The following PCLO variants were observed in gnomAD, a reference collection of about 807,000 sequenced individuals.
PCLO encodes the protein protein piccolo.
In PCLO, 82 loss-of-function variants were observed where a neutral mutation model predicts 427.5. That is an observed-to-expected ratio of 0.19 (90% CI 0.16 to 0.23). PCLO has a LOEUF of 0.23. Among genes scored for constraint, PCLO ranks in the 10% least tolerant of loss-of-function variants. The pLI is 1.00. For synonymous variants in PCLO, 2,357 were observed against 2,155.4 expected, an observed-to-expected ratio of 1.09 and a Z score of -2.59; for missense variants, 6,239 against 6,115.9, an observed-to-expected ratio of 1.02 and a Z score of -0.67.
intron 10 of PCLO, among the ~76,000 whole-genome samples, chr7:82,862,977 C>T (rs1793000092): frequency 2.0e-5 from 3 of 151,884 alleles, no homozygotes; most frequent in African/African-American, 7.3e-5. Flanking sequence ...CTTAATTGTA[C>T]ATTTCAAAAT....
chr7:82,768,187 C>T (rs1790571518), intron 22 of PCLO, among the ~76,000 whole-genome samples: 1 of 152,122 alleles, frequency 6.6e-6, no homozygotes, highest in East Asian at 1.9e-4. Context: ...GTTTGGGAGG[C>T]ACAACTGGAT....
At chr7:83,026,434 G>A (rs1310327651) in intron 3 of PCLO, among the ~76,000 whole-genome samples, 2 of 152,118 alleles carry the variant, frequency 1.3e-5, no homozygotes, top group African/African-American at 4.8e-5. Flanking sequence ...ACCCAATACA[G>A]GAGGACCCAG....
chr7:82,923,741 T>C (rs1010012809), intron 6 of PCLO, among the ~76,000 whole-genome samples: 3 of 152,072 alleles, frequency 2.0e-5, no homozygotes, highest in African/African-American at 4.8e-5. Context: ...GCCAGCAACA[T>C]AGTTTTGGCC....
At chr7:82,986,848 G>A (rs7808548) in intron 3 of PCLO, among the ~76,000 whole-genome samples, 114,107 of 151,714 alleles carry the variant, frequency 0.75, 43,478 homozygotes, top group East Asian at 0.92. Context: ...GATGACCCAG[G>A]AATTTTATTA....
At chr7:82,852,561 T>C (rs1016983296) in intron 10 of PCLO, among the ~76,000 whole-genome samples, 7 of 152,136 alleles carry the variant, frequency 4.6e-5, no homozygotes, top group Non-Finnish European at 1.0e-4. Flanking sequence ...CCAGGGACTC[T>C]TGGGCCTTTG....
chr7:83,081,378 G>A (rs1472955526), intron 3 of PCLO, among the ~76,000 whole-genome samples: 1 of 151,772 alleles, frequency 6.6e-6, no homozygotes, highest in African/African-American at 2.4e-5. Context: ...CTTAATGAAT[G>A]AATCATTTTA....
rs1796316219 is a variant in PCLO at position 82,988,982 on chromosome 7, G to A, written c.3301-22495C>T. Among the ~76,000 whole-genome samples, 5 of 151,926 alleles carry A rather than the reference G, an allele frequency of 3.3e-5. No individual in the cohort carries two copies. In the South Asian group the frequency reaches 1.0e-3, roughly 31 times the overall value. On this transcript the variant is annotated intron_variant, in intron 3 of 24. Coordinates refer to ENST00000333891, the MANE Select transcript of PCLO (RefSeq NM_033026.6). ...CCTGAGTAGCTGGGATTACAGGCAT[G>A]CACCACCATGCCTGGCTATTTTTTT...
chr7:82,872,953 A>G (rs572881557), intron 10 of PCLO, among the ~76,000 whole-genome samples: 2 of 152,296 alleles, frequency 1.3e-5, no homozygotes, highest in African/African-American at 2.4e-5. Context: ...TTGTGGATAC[A>G]TACATAACAC....
chr7:82,949,876 G>C lies in PCLO; in HGVS notation c.10712C>G (p.Ala3571Gly), dbSNP rs1182627186. Residue 3571 changes from alanine (A) to glycine (G), a missense_variant, in exon 6 of 25, where the codon GCA becomes GGA. Physicochemically the swap from Ala to Gly is moderately conservative, Grantham distance 60. Coordinates refer to ENST00000333891, the MANE Select transcript of PCLO (RefSeq NM_033026.6). ...TTGAGGACTTTGTGTGTCTGAATCT[G>C]CTTCTGTTTGACATCCTAAACTGCC... is the stretch of plus-strand genomic sequence containing the variant. ...KGGSLGCQTE[A>G]DSDTQSPQYL... 6.2e-7 allele frequency: 1 copy of C among 1,613,736 alleles called. No individual in the cohort carries two copies. Among genetic ancestry groups the C allele is most frequent in the Non-Finnish European group, 8.5e-7 (1 of 1,179,834 alleles).
chr7:83,050,226 A>AAAAAAAC (rs1789205976), intron 3 of PCLO, among the ~76,000 whole-genome samples: 1 of 123,314 alleles, frequency 8.1e-6, no homozygotes, highest in Non-Finnish European at 1.7e-5. Context: ...AAAAAAAAAA[A>AAAAAAAC]AAAAAAAAAA....
intron 20 of PCLO, among the ~76,000 whole-genome samples, chr7:82,811,333 C>T (rs555011183): frequency 6.6e-6 from 1 of 151,420 alleles, no homozygotes; most frequent in Non-Finnish European, 1.5e-5. Flanking sequence ...TCCTCTCTTT[C>T]TTTGTTTCTT....
chr7:82,915,554 A>T lies in PCLO; in HGVS notation c.12432T>A (p.Gly4144=), dbSNP rs1794429462. 2 of 1,613,734 alleles carry T rather than the reference A, an allele frequency of 1.2e-6. No individual in the cohort carries two copies. Among genetic ancestry groups the T allele is most frequent in the Non-Finnish European group, 1.7e-6 (2 of 1,179,740 alleles). ...RGTESLDHLA[G]LSHYYHADTS... Reference sequence around the variant, plus strand: ...TATCAGCATGGTAATAATGAGAAAGACCAGCAAGGTGATCTAAGCTCTCTG... The same window carrying T: ...TATCAGCATGGTAATAATGAGAAAGTCCAGCAAGGTGATCTAAGCTCTCTG... Residue 4144 remains glycine (G), a synonymous_variant, in exon 7 of 25, where the codon GGT becomes GGA. Transcript: ENST00000333891.
chr7:82,756,378 A>C lies in PCLO; in HGVS notation c.*2197T>G, dbSNP rs1053298028. 2 of 152,078 alleles carry C rather than the reference A, an allele frequency of 1.3e-5. No homozygotes were observed. Among genetic ancestry groups the C allele is most frequent in the Non-Finnish European group, 2.9e-5 (2 of 68,012 alleles). The allele number at this position is 152,078 out of a possible 1,614,324, so 9.4% of individuals were successfully genotyped here. A position where few individuals can be genotyped will look rare whatever the true frequency, so the allele number is the denominator to read the frequency against. On this transcript the variant is annotated 3_prime_UTR_variant, in exon 25 of 25. Coordinates refer to ENST00000333891, the MANE Select transcript of PCLO (RefSeq NM_033026.6). Reference sequence around the variant, plus strand: ...TTTCTAAAAATAAAATACTAGCAATATAATGTCTTTGATGATTCCACTCTC... The same window carrying C: ...TTTCTAAAAATAAAATACTAGCAATCTAATGTCTTTGATGATTCCACTCTC...
At chr7:82,851,785 C>G (rs1177307233) in intron 10 of PCLO, among the ~76,000 whole-genome samples, 2 of 152,146 alleles carry the variant, frequency 1.3e-5, no homozygotes, top group Non-Finnish European at 2.9e-5. Context: ...AAAAGATCAG[C>G]TGAACATGGC....
chr7:82,921,474 G>A (rs1231906646), intron 6 of PCLO, among the ~76,000 whole-genome samples: 2 of 151,976 alleles, frequency 1.3e-5, no homozygotes, highest in African/African-American at 4.8e-5. Context: ...CAACAAAGTT[G>A]ACAATAACTG....
In PCLO at chr7:82,876,811, A is replaced by G. The variant is rs189362253; in HGVS notation, c.13654+2526T>C. 1.7e-3 allele frequency among the ~76,000 whole-genome samples: 263 copies of G among 152,294 alleles called. 1 individual carries two copies. Among genetic ancestry groups the G allele is most frequent in the African/African-American group, 6.1e-3 (254 of 41,568 alleles). On this transcript the variant is annotated intron_variant, in intron 10 of 24. Coordinates refer to ENST00000333891, the MANE Select transcript of PCLO (RefSeq NM_033026.6). Reference sequence around the variant, plus strand: ...TTAAAGAGCTATGTTGTAAGAGTAAATACAGCTGGAAATCATAAATAACAA... The same window carrying G: ...TTAAAGAGCTATGTTGTAAGAGTAAGTACAGCTGGAAATCATAAATAACAA...
intron 7 of PCLO, among the ~76,000 whole-genome samples, chr7:82,909,988 TATA>T (rs569193158): frequency 6.6e-6 from 1 of 152,116 alleles, no homozygotes; most frequent in Non-Finnish European, 1.5e-5. Flanking sequence ...CAAGATATTC[TATA>T]ATGACTGAAC....
intron 3 of PCLO, among the ~76,000 whole-genome samples, chr7:82,998,237 C>T (rs1001837715): frequency 6.6e-6 from 1 of 151,868 alleles, no homozygotes; most frequent in Non-Finnish European, 1.5e-5. Flanking sequence ...GGGAGTTATG[C>T]TTTTATTTGT....
In PCLO at chr7:83,145,266, A is replaced by G. The variant is rs113716259; in HGVS notation, c.1893+9482T>C. On this transcript the variant is annotated intron_variant, in intron 2 of 24. Transcript: ENST00000333891. ...TTAGAGAACAAAGAAGTATGAATCA[A>G]TGTAAGTCTCTGGTTTGGACAGAAG... Among the ~76,000 whole-genome samples the G allele has an allele frequency of 9.2e-3, 1,398 of 152,290 alleles. 19 individuals carry two copies. Among genetic ancestry groups the G allele is most frequent in the Non-Finnish European group, 0.01 (689 of 68,016 alleles).
Sources: gnomAD v4.1 joint callset for allele counts (sites outside exome capture counted in the v4.1 genomes callset) on GRCh38, gnomAD v4.1.1 for gene constraint, MANE v1.5 for transcripts, NCBI Gene and HGNC (gene_info 2026-07-23, HGNC 2026-07-21) for gene names.